MSRB3: variants seen among roughly 807,000 people sequenced by gnomAD.
MSRB3 encodes the protein methionine-R-sulfoxide reductase B3.
MSRB3 carries 13 observed loss-of-function variants against 21.0 expected under a neutral mutation model. The observed-to-expected ratio is 0.62, with a 90% confidence interval of 0.40 to 0.98. The LOEUF is 0.98. MSRB3 is among the 50% of genes least tolerant of loss of function. The pLI, the probability that MSRB3 is intolerant of heterozygous loss-of-function variation, is 0.00. For missense variants in MSRB3, 199 were observed against 230.3 expected, an observed-to-expected ratio of 0.86 and a Z score of 0.88; for synonymous variants, 87 against 88.6, an observed-to-expected ratio of 0.98 and a Z score of 0.10.
intron 2 of MSRB3, 117 bp downstream of exon 2, chr12:65,308,772 A>T: frequency 7.1e-7 from 1 of 1,411,882 alleles, no homozygotes; most frequent in East Asian, 2.3e-5. Flanking sequence ...CTTGGGCCCT[A>T]ATTTGAAGAC....
chr12:65,292,572 CA>C (rs1872724602), intron 1 of MSRB3, among the ~76,000 whole-genome samples: 2 of 152,104 alleles, frequency 1.3e-5, no homozygotes, highest in South Asian at 4.1e-4. Flanking sequence ...TTGAAGTTCT[CA>C]GGGCTCTGAT....
intron 4 of MSRB3, among the ~76,000 whole-genome samples, chr12:65,335,796 T>G (rs945418888): frequency 6.6e-6 from 1 of 152,230 alleles, no homozygotes; most frequent in African/African-American, 2.4e-5. Context: ...TTAAGCTTTC[T>G]TTTGTGGAAC....
At chr12:65,443,432 T>C (rs946447056) in intron 5 of MSRB3, among the ~76,000 whole-genome samples, 1 of 151,988 alleles carries the variant, frequency 6.6e-6, no homozygotes, top group African/African-American at 2.4e-5. Flanking sequence ...TTGATATTTG[T>C]AAAAAAAATG....
Position 65,304,795 on chromosome 12 carries a change from T to G in MSRB3, c.-51-3734T>G, listed in dbSNP as rs577983021. On this transcript the variant is annotated intron_variant, in intron 1 of 6. Coordinates refer to ENST00000308259, the MANE Select transcript of MSRB3 (RefSeq NM_001031679.3). ...TCAGGGAATACAAACGGGTGAAAGC[T>G]GCCGAATTGAAACTTCAATTTAGGT... 2.9e-4 allele frequency among the ~76,000 whole-genome samples: 44 copies of G among 152,340 alleles called. 1 individual carries two copies. The South Asian group carries it at 5.8e-3, about 20-fold the overall frequency.
intron 5 of MSRB3, among the ~76,000 whole-genome samples, chr12:65,371,381 A>G: frequency 6.6e-6 from 1 of 151,716 alleles, no homozygotes; most frequent in East Asian, 1.9e-4. Flanking sequence ...ACAATTAAAT[A>G]GGTTCAGATT....
chr12:65,348,777 G>T (rs948352160), intron 4 of MSRB3, among the ~76,000 whole-genome samples: 8 of 152,082 alleles, frequency 5.3e-5, no homozygotes, highest in African/African-American at 1.9e-4. Flanking sequence ...AGAGATTCTG[G>T]TATGTTGTGT....
chr12:65,336,282 C>G (rs1490914317), intron 4 of MSRB3, among the ~76,000 whole-genome samples: 1 of 152,142 alleles, frequency 6.6e-6, no homozygotes, highest in African/African-American at 2.4e-5. Context: ...AAGGAAAGAA[C>G]AACTCCATTT....
At chr12:65,330,888 G>A (rs550146274) in intron 4 of MSRB3, among the ~76,000 whole-genome samples, 34 of 152,252 alleles carry the variant, frequency 2.2e-4, no homozygotes, top group African/African-American at 8.2e-4. Flanking sequence ...GCCTACTTAA[G>A]TGAGAAGGCT....
chr12:65,339,550 A>AC (rs1269112639), intron 4 of MSRB3, among the ~76,000 whole-genome samples: 1 of 152,252 alleles, frequency 6.6e-6, no homozygotes, highest in Non-Finnish European at 1.5e-5. Flanking sequence ...GTTTGGTAAC[A>AC]CCATTACACA....
At chr12:65,327,703 C>T (rs1875140782) in intron 3 of MSRB3, among the ~76,000 whole-genome samples, 1 of 152,166 alleles carries the variant, frequency 6.6e-6, no homozygotes, top group Admixed American at 6.5e-5. Flanking sequence ...TGAAAGAGCT[C>T]TCTACTACAC....
chr12:65,447,553 T>C (rs1325773408), intron 5 of MSRB3, among the ~76,000 whole-genome samples: 2 of 152,212 alleles, frequency 1.3e-5, no homozygotes, highest in Non-Finnish European at 2.9e-5. Flanking sequence ...GCAATGTCAT[T>C]TATATAAAAT....
intron 5 of MSRB3, among the ~76,000 whole-genome samples, chr12:65,369,701 A>G (rs1476859852): frequency 3.3e-5 from 5 of 152,204 alleles, no homozygotes; most frequent in Non-Finnish European, 7.4e-5. Context: ...GATGGCATTT[A>G]CAATTAAAGC....
chr12:65,421,969 C>T (rs551081872), intron 5 of MSRB3, among the ~76,000 whole-genome samples: 5 of 152,214 alleles, frequency 3.3e-5, no homozygotes, highest in Admixed American at 3.3e-4. Context: ...CAATGGTATG[C>T]TTTCTTCAAG....
At chr12:65,399,234 A>T (rs1489767558) in intron 5 of MSRB3, among the ~76,000 whole-genome samples, 1 of 152,208 alleles carries the variant, frequency 6.6e-6, no homozygotes, top group African/African-American at 2.4e-5. Flanking sequence ...CTTCCTATCC[A>T]TGAGCATGGA....
intron 2 of MSRB3, among the ~76,000 whole-genome samples, chr12:65,321,356 T>A (rs1446910805): frequency 6.6e-6 from 1 of 152,196 alleles, no homozygotes; most frequent in Non-Finnish European, 1.5e-5. Context: ...TAGCATAGTG[T>A]CTGACACTTT....
At chr12:65,284,939 T>A (rs1228562051) in intron 1 of MSRB3, 3 of 152,218 alleles carry the variant, frequency 2.0e-5, no homozygotes, top group African/African-American at 7.2e-5. Flanking sequence ...CTTATCTTTC[T>A]TCAGATAAAG....
At chr12:65,324,169 T>C (rs1874867413) in intron 2 of MSRB3, among the ~76,000 whole-genome samples, 1 of 152,208 alleles carries the variant, frequency 6.6e-6, no homozygotes, top group African/African-American at 2.4e-5. Flanking sequence ...TAAAAAAATT[T>C]TGCTAATTTG....
chr12:65,394,073 A>G (rs1389705906), intron 5 of MSRB3, among the ~76,000 whole-genome samples: 2 of 152,140 alleles, frequency 1.3e-5, no homozygotes, highest in African/African-American at 2.4e-5. Context: ...TAGTTACTGA[A>G]TTATATATGG....
chr12:65,398,453 G>A (rs1358353572), intron 5 of MSRB3, among the ~76,000 whole-genome samples: 1 of 151,504 alleles, frequency 6.6e-6, no homozygotes, highest in African/African-American at 2.4e-5. Context: ...TTTTTGATGG[G>A]GTTTGTTTTT....
Sources: allele counts gnomAD v4.1 joint callset (sites outside exome capture counted in the v4.1 genomes callset), GRCh38; gene constraint gnomAD v4.1.1; transcripts MANE v1.5; gene names NCBI Gene and HGNC (gene_info 2026-07-23, HGNC 2026-07-21).